Variants in MORN4 observed in about 807,000 individuals in gnomAD.
The protein encoded by MORN4 is MORN repeat-containing protein 4.
Under a neutral mutation model 16.4 loss-of-function variants are expected in MORN4, and 8 were observed. The ratio of observed to expected loss-of-function variants is 0.49; its 90% CI spans 0.29 to 0.88. The LOEUF is 0.88. Ranked by LOEUF, MORN4 falls within the 40% of genes least tolerant of loss-of-function variation. The pLI, the probability that MORN4 is intolerant of heterozygous loss-of-function variation, is 0.09. For missense variants in MORN4, 159 were observed against 182.9 expected, an observed-to-expected ratio of 0.87 and a Z score of 0.75; for synonymous variants, 53 against 68.9, an observed-to-expected ratio of 0.77 and a Z score of 1.14.
At chr10:97,621,211 G>C (rs2041290217) in intron 1 of MORN4, among the ~76,000 whole-genome samples, 1 of 152,144 alleles carries the variant, frequency 6.6e-6, no homozygotes, top group African/African-American at 2.4e-5. Context: ...AGAAATAGAA[G>C]CCCAGAGAGG....
At position 97,616,781 on chromosome 10, in the gene MORN4, C is replaced by T. The variant is rs1478879206; in HGVS notation, c.189G>A (p.Glu63=). Residue 63 remains glutamate, a synonymous_variant, in exon 4 of 5, where the codon GAG becomes GAA. Transcript: ENST00000307450. ...TAAACTTGCCCTGGGCAAACTCCCCCTCATACCTGCAGAAACACCAAGAAG... is the reference window on the plus strand; with the variant it reads ...TAAACTTGCCCTGGGCAAACTCCCCTTCATACCTGCAGAAACACCAAGAAG... The part of the protein sequence containing the change: ...VLTFSDGSRY[E]GEFAQGKFNG... The T allele has an allele frequency of 6.2e-7, 1 of 1,611,512 alleles. No individual in the cohort carries two copies. Among genetic ancestry groups the T allele is most frequent in the Non-Finnish European group, 8.5e-7 (1 of 1,177,734 alleles).
rs547502193 is a variant in MORN4, at chr10:97,626,135, C to T, written c.-30-6452G>A. 2.0e-5 allele frequency among the ~76,000 whole-genome samples: 3 copies of T among 151,046 alleles called. No homozygotes were observed. In the East Asian group the frequency reaches 5.9e-4, roughly 30 times the overall value. On this transcript the variant is annotated intron_variant, in intron 1 of 4. Coordinates refer to ENST00000307450, the MANE Select transcript of MORN4 (RefSeq NM_178832.4). Reference sequence around the variant, plus strand: ...GTGGCTCACGCCTGTAATCCCAGCACTTTGGGAGGCTAAGATGGATCACCT... The same window carrying T: ...GTGGCTCACGCCTGTAATCCCAGCATTTTGGGAGGCTAAGATGGATCACCT...
chr10:97,618,323 G>A (rs1298771021), intron 2 of MORN4, among the ~76,000 whole-genome samples: 4 of 136,726 alleles, frequency 2.9e-5, no homozygotes, highest in African/African-American at 1.1e-4. Context: ...GGAGCACAGT[G>A]GTGCGATCTT....
At position 97,616,255 on chromosome 10, in the gene MORN4, C is replaced by A; in HGVS notation, c.*8G>T. ...CCCAATACTTATCAGCTGGTGCCCA[C>A]TGCGCTGTCAGGCAGTGAGATTTCT... On this transcript the variant is annotated 3_prime_UTR_variant, in exon 5 of 5. Transcript: ENST00000307450. The A allele has an allele frequency of 6.3e-7, 1 of 1,577,214 alleles. No individual in the cohort carries two copies.
chr10:97,626,323 G>A (rs1340415466), intron 1 of MORN4, among the ~76,000 whole-genome samples: 1 of 151,536 alleles, frequency 6.6e-6, no homozygotes, highest in African/African-American at 2.4e-5. Flanking sequence ...GTTGCAGTGA[G>A]CCAAGATCAT....
chr10:97,629,476 G>A (rs920681661), intron 1 of MORN4, among the ~76,000 whole-genome samples: 1 of 152,130 alleles, frequency 6.6e-6, no homozygotes, highest in Admixed American at 6.6e-5. Context: ...TTGGAGACCC[G>A]AGCCACCACA....
chr10:97,631,807 T>C (rs1219532191), intron 1 of MORN4, among the ~76,000 whole-genome samples: 2 of 152,058 alleles, frequency 1.3e-5, no homozygotes, highest in African/African-American at 4.8e-5. Flanking sequence ...TGGTGGTGCA[T>C]GCCTGTAGTC....
chr10:97,629,317 C>A (rs1475728789), intron 1 of MORN4, among the ~76,000 whole-genome samples: 1 of 152,120 alleles, frequency 6.6e-6, no homozygotes, highest in Non-Finnish European at 1.5e-5. Context: ...ACCCAGGAGG[C>A]GGAGGTTGAA....
At chr10:97,626,861 G>A (rs1343719939) in intron 1 of MORN4, among the ~76,000 whole-genome samples, 1 of 150,302 alleles carries the variant, frequency 6.7e-6, no homozygotes, top group Non-Finnish European at 1.5e-5. Flanking sequence ...AGGTTCAAGC[G>A]ATTCTCTTGC....
chr10:97,616,145 G>T lies in MORN4; in HGVS notation c.*118C>A. On this transcript the variant is annotated 3_prime_UTR_variant, in exon 5 of 5. Coordinates refer to ENST00000307450, the MANE Select transcript of MORN4 (RefSeq NM_178832.4). ...ATGGCAGGTGACAGGGCACATACAA[G>T]GCCTCTGCTCCACTGTCATTGTCAA... 1 of 1,063,550 alleles carries T rather than the reference G, an allele frequency of 9.4e-7. No homozygotes were observed. The highest frequency in any genetic ancestry group is 1.3e-6 in the Non-Finnish European group (1 of 767,356). 65.9% of individuals were successfully genotyped at this position (1,063,550 alleles called of 1,614,324 possible).
intron 1 of MORN4, among the ~76,000 whole-genome samples, chr10:97,620,168 C>A (rs1262911214): frequency 1.3e-5 from 2 of 151,634 alleles, no homozygotes; most frequent in Non-Finnish European, 2.9e-5. Flanking sequence ...GTGGAGAAGG[C>A]AAAGAGCAAT....
In MORN4 at chr10:97,619,600, G is replaced by A. The variant is rs201927602; in HGVS notation, c.54C>T (p.Gly18=). The change falls in exon 2 of 5, where the codon GGC becomes GGT. Residue 18 remains glycine, a synonymous_variant. Transcript: ENST00000307450. The part of the protein sequence containing the change: ...FTYSSGEEYR[G]EWKEGRRHGF... ...GGTCCTTCTCACCCTCCTTCCACTC[G>A]CCACGATATTCCTCCCCACTGGAGT... 6.2e-6 allele frequency: 10 copies of A among 1,613,302 alleles called. No individual in the cohort carries two copies. The Admixed American group carries it at 6.7e-5, about 11-fold the overall frequency.
At chr10:97,631,515 G>C (rs2041395141) in intron 1 of MORN4, among the ~76,000 whole-genome samples, 3 of 151,838 alleles carry the variant, frequency 2.0e-5, no homozygotes, top group Admixed American at 6.6e-5. Flanking sequence ...GCAATAACGA[G>C]AATTTTTGTT....
intron 1 of MORN4, among the ~76,000 whole-genome samples, chr10:97,632,931 A>G (rs2041409514): frequency 6.6e-6 from 1 of 152,092 alleles, no homozygotes; most frequent in South Asian, 2.1e-4. Context: ...CATATGTGGG[A>G]GTTCTCTCCA....
intron 1 of MORN4, among the ~76,000 whole-genome samples, chr10:97,620,919 G>A (rs908097907): frequency 2.6e-5 from 4 of 152,060 alleles, no homozygotes; most frequent in Non-Finnish European, 5.9e-5. Context: ...TCAGGAGTTC[G>A]AGACCAGCTT....
intron 1 of MORN4, among the ~76,000 whole-genome samples, chr10:97,621,971 G>A (rs2041301192): frequency 6.6e-6 from 1 of 152,166 alleles, no homozygotes; most frequent in South Asian, 2.1e-4. Flanking sequence ...TCTAGCAGAG[G>A]TCTGCAAAGC....
chr10:97,616,825 T>C (rs1300252411), intron 3 of MORN4, 38 bp from the exon 4 acceptor site: 1 of 1,437,714 alleles, frequency 7.0e-7, no homozygotes, highest in East Asian at 2.3e-5. Context: ...CAGTGGAAAG[T>C]TAGCTGTCCA....
chr10:97,626,457 C>T (rs1177707396), intron 1 of MORN4, among the ~76,000 whole-genome samples: 1 of 142,466 alleles, frequency 7.0e-6, no homozygotes, highest in Non-Finnish European at 1.5e-5. Context: ...TGTTCTCTCT[C>T]TTTTTTTTTT....
At chr10:97,624,780 G>A (rs1298548057) in intron 1 of MORN4, among the ~76,000 whole-genome samples, 8 of 151,920 alleles carry the variant, frequency 5.3e-5, no homozygotes, top group Admixed American at 2.0e-4. Flanking sequence ...GTGCAATGGC[G>A]CGATCTTTGC....
Sources: allele counts gnomAD v4.1 joint callset (sites outside exome capture counted in the v4.1 genomes callset), GRCh38; gene constraint gnomAD v4.1.1; transcripts MANE v1.5; gene names NCBI Gene and HGNC (gene_info 2026-07-23, HGNC 2026-07-21).